The following NSUN3 variants were observed in gnomAD, a reference collection of about 807,000 sequenced individuals.
NSUN3 encodes the protein NOP2/Sun RNA methyltransferase 3, also known as tRNA (cytosine(34)-C(5))-methyltransferase, mitochondrial.
A neutral mutation model predicts 36.8 loss-of-function variants in NSUN3; 24 were observed. The ratio of observed to expected loss-of-function variants is 0.65; its 90% CI spans 0.47 to 0.92. NSUN3 has a LOEUF of 0.92. Among genes scored for constraint, NSUN3 ranks in the 40% least tolerant of loss-of-function variants. The pLI is 0.00. For synonymous variants in NSUN3, 146 were observed against 145.2 expected (o/e 1.01, Z -0.04); for missense variants, 381 against 392.8 (o/e 0.97, Z 0.25).
At chr3:94,113,928 T>C (rs1363005145) in intron 5 of NSUN3, among the ~76,000 whole-genome samples, 1 of 152,236 alleles carries the variant, frequency 6.6e-6, no homozygotes, top group Non-Finnish European at 1.5e-5. Flanking sequence ...CAATCTGTGA[T>C]GAAAAGTTTC....
At chr3:94,087,599 A>G (rs1380741757) in intron 3 of NSUN3, among the ~76,000 whole-genome samples, 1 of 152,244 alleles carries the variant, frequency 6.6e-6, no homozygotes. Context: ...CCAGCTTGGT[A>G]GATTGTCTTA....
chr3:94,070,201 G>A (rs2077219818), intron 2 of NSUN3, among the ~76,000 whole-genome samples: 1 of 152,158 alleles, frequency 6.6e-6, no homozygotes, highest in African/African-American at 2.4e-5. Context: ...CCAGCACTTT[G>A]GGAGGCCAAG....
In NSUN3 at chr3:94,116,184, C is replaced by T. The variant is rs531912120; in HGVS notation, c.744-10027C>T. 7.7e-4 allele frequency among the ~76,000 whole-genome samples: 117 copies of T among 151,104 alleles called. No individual in the cohort carries two copies. The Middle Eastern group carries it at 0.017, about 22-fold the overall frequency. On this transcript the variant is annotated intron_variant, in intron 5 of 5. Transcript: ENST00000314622. ...ATTAGTCTGGGAATGTTAAGGTGGT[C>T]TGTCTTGTGCTAGAGAAGCAACACA...
At chr3:94,109,621 A>G (rs1223613084) in intron 5 of NSUN3, among the ~76,000 whole-genome samples, 2 of 152,186 alleles carry the variant, frequency 1.3e-5, no homozygotes, top group Non-Finnish European at 2.9e-5. Context: ...ATCCGGTTTG[A>G]TGATGTGAGC....
At chr3:94,107,929 T>C (rs2077396974) in intron 5 of NSUN3, among the ~76,000 whole-genome samples, 1 of 151,646 alleles carries the variant, frequency 6.6e-6, no homozygotes, top group Non-Finnish European at 1.5e-5. Context: ...AGAAAAACCA[T>C]TCTCATTTTT....
At chr3:94,125,600 A>T (rs2077482169) in intron 5 of NSUN3, among the ~76,000 whole-genome samples, 1 of 152,116 alleles carries the variant, frequency 6.6e-6, no homozygotes, top group African/African-American at 2.4e-5. Context: ...CTTTGTTTTT[A>T]TTTTTACTCC....
chr3:94,098,498 T>G lies in NSUN3; in HGVS notation c.743+3344T>G, dbSNP rs146145457. ...ACTCTTTTTGTTTGTTTGTTTGTTTTTTTAATTTGGGGATTTTCCAGTGAA... is the reference window on the plus strand; with the variant it reads ...ACTCTTTTTGTTTGTTTGTTTGTTTGTTTAATTTGGGGATTTTCCAGTGAA... On this transcript the variant is annotated intron_variant, in intron 5 of 5. Transcript: ENST00000314622. Among the ~76,000 whole-genome samples, 1,119 of 152,276 alleles carry G rather than the reference T, an allele frequency of 7.3e-3. 6 individuals are homozygous for G. The highest frequency in any genetic ancestry group is 8.7e-3 in the Non-Finnish European group (595 of 68,012).
intron 5 of NSUN3, among the ~76,000 whole-genome samples, chr3:94,111,408 G>A (rs1222560548): frequency 6.6e-6 from 1 of 151,946 alleles, no homozygotes; most frequent in Admixed American, 6.6e-5. Context: ...TCTTTCTTCT[G>A]TAATAAATTA....
intron 5 of NSUN3, among the ~76,000 whole-genome samples, chr3:94,099,878 T>C (rs1177913388): frequency 6.6e-6 from 1 of 152,116 alleles, no homozygotes; most frequent in Non-Finnish European, 1.5e-5. Flanking sequence ...TACCTAGAAT[T>C]TCCTCTTGCC....
chr3:94,105,680 G>C (rs1279954487), intron 5 of NSUN3, among the ~76,000 whole-genome samples: 1 of 151,960 alleles, frequency 6.6e-6, no homozygotes, highest in East Asian at 1.9e-4. Context: ...GCTAGAGGCA[G>C]GGTATCTTTT....
rs985892313 is a variant in NSUN3 at position 94,094,078 on chromosome 3, A to G, written c.467-62A>G. 4 of 1,255,854 alleles carry G rather than the reference A, an allele frequency of 3.2e-6. No individual in the cohort carries two copies. In the African/African-American group the frequency reaches 6.1e-5, roughly 19 times the overall value. 77.8% of individuals were successfully genotyped at this position (1,255,854 alleles called of 1,614,324 possible). ...ATTTCTTTCTGAAATTTATTTGCTG[A>G]AAAGTAGAAATTTAACAGTTCCATT... On this transcript the variant is annotated intron_variant, in intron 3 of 5. Coordinates refer to ENST00000314622, the MANE Select transcript of NSUN3 (RefSeq NM_022072.5).
chr3:94,121,854 C>G (rs1452430643), intron 5 of NSUN3, among the ~76,000 whole-genome samples: 1 of 152,076 alleles, frequency 6.6e-6, no homozygotes, highest in Non-Finnish European at 1.5e-5. Flanking sequence ...TTTAAAAATA[C>G]ATATAACTGG....
chr3:94,099,415 G>C (rs995125914), intron 5 of NSUN3, among the ~76,000 whole-genome samples: 2 of 152,096 alleles, frequency 1.3e-5, no homozygotes, highest in African/African-American at 4.8e-5. Context: ...AATGGTTTTA[G>C]TAGCACATCA....
chr3:94,076,573 G>A (rs1323451916), intron 2 of NSUN3: 1 of 842,720 alleles, frequency 1.2e-6, no homozygotes, highest in African/African-American at 1.7e-5. Context: ...CCCACGGGTA[G>A]ATGGTGTGAT....
chr3:94,097,052 G>A (rs1004932487), intron 5 of NSUN3, among the ~76,000 whole-genome samples: 3 of 151,600 alleles, frequency 2.0e-5, no homozygotes, highest in African/African-American at 7.3e-5. Context: ...CTCCCATTTT[G>A]TCTCAATTAA....
intron 5 of NSUN3, 105 bp downstream of exon 5, chr3:94,095,259 AATG>A (rs2077332942): frequency 9.2e-7 from 1 of 1,085,150 alleles, no homozygotes; most frequent in South Asian, 1.5e-5. Context: ...TGTAGGTGTC[AATG>A]ATTATTCCTC....
At chr3:94,088,302 GTC>G (rs2077301088) in intron 3 of NSUN3, among the ~76,000 whole-genome samples, 1 of 152,000 alleles carries the variant, frequency 6.6e-6, no homozygotes, top group South Asian at 2.1e-4. Flanking sequence ...TTTTTTAGTA[GTC>G]TCTGCTTCCA....
chr3:94,122,286 G>T (rs2077466440), intron 5 of NSUN3, among the ~76,000 whole-genome samples: 1 of 151,760 alleles, frequency 6.6e-6, no homozygotes, highest in East Asian at 1.9e-4. Flanking sequence ...CTACAAATGA[G>T]CTCCTAGTGA....
At chr3:94,085,837 A>G (rs1166651468) in intron 3 of NSUN3, among the ~76,000 whole-genome samples, 1 of 152,136 alleles carries the variant, frequency 6.6e-6, no homozygotes, top group African/African-American at 2.4e-5. Flanking sequence ...CAGATCTTTC[A>G]TCAAGCATTA....
Sources: gnomAD v4.1 joint callset for allele counts (sites outside exome capture counted in the v4.1 genomes callset) on GRCh38, gnomAD v4.1.1 for gene constraint, MANE v1.5 for transcripts, NCBI Gene and HGNC (gene_info 2026-07-23, HGNC 2026-07-21) for gene names.